NUMB: variants seen among roughly 807,000 people sequenced by gnomAD.
The protein encoded by NUMB is protein numb homolog.
Under a neutral mutation model 59.7 loss-of-function variants are expected in NUMB, and 29 were observed. The observed-to-expected ratio is 0.49, with a 90% CI of 0.36 to 0.66. The LOEUF (loss-of-function observed/expected upper bound fraction) is 0.66. Ranked by LOEUF, NUMB falls within the 30% of genes least tolerant of loss-of-function variation. The pLI, the probability that NUMB is intolerant of heterozygous loss-of-function variation, is 0.00. For synonymous variants in NUMB, 288 were observed against 288.2 expected (o/e 1.00, Z 0.01); for missense variants, 723 against 822.0 (o/e 0.88, Z 1.47).
At chr14:73,366,369 G>A (rs74064618) in intron 3 of NUMB, among the ~76,000 whole-genome samples, 8,888 of 152,158 alleles carry the variant, frequency 0.058, 722 homozygotes, top group African/African-American at 0.19. Context: ...CTGCCTAAAC[G>A]TTGCTTTATC....
At chr14:73,399,247 T>C (rs1289846314) in intron 2 of NUMB, among the ~76,000 whole-genome samples, 1 of 152,222 alleles carries the variant, frequency 6.6e-6, no homozygotes, top group Non-Finnish European at 1.5e-5. Flanking sequence ...TCCACATCCA[T>C]GGGTTCAACC....
At chr14:73,295,398 A>G (rs1208793239) in intron 7 of NUMB, among the ~76,000 whole-genome samples, 4 of 152,264 alleles carry the variant, frequency 2.6e-5, no homozygotes, top group Non-Finnish European at 5.9e-5. Flanking sequence ...CAAGGGGGCA[A>G]TATCACTTTC....
chr14:73,341,472 T>C (rs12879322), intron 4 of NUMB, among the ~76,000 whole-genome samples: 36,477 of 152,106 alleles, frequency 0.24, 4,431 homozygotes, highest in Non-Finnish European at 0.25. Context: ...TGTATTATTT[T>C]TTAAAAATTA....
At chr14:73,430,541 G>A (rs1351622694) in intron 1 of NUMB, among the ~76,000 whole-genome samples, 1 of 152,074 alleles carries the variant, frequency 6.6e-6, no homozygotes, top group African/African-American at 2.4e-5. Flanking sequence ...GGCTGAGGTG[G>A]AAGGATCACT....
At chr14:73,386,232 T>C (rs1353096749) in intron 2 of NUMB, among the ~76,000 whole-genome samples, 2 of 152,104 alleles carry the variant, frequency 1.3e-5, no homozygotes, top group Admixed American at 6.6e-5. Context: ...CTGGGCAACA[T>C]AGTGAGATGC....
intron 1 of NUMB, among the ~76,000 whole-genome samples, chr14:73,429,033 A>C (rs1460883419): frequency 6.6e-6 from 1 of 152,234 alleles, no homozygotes; most frequent in Non-Finnish European, 1.5e-5. Flanking sequence ...TCATGCCCTC[A>C]GTAGTCAAAC....
intron 3 of NUMB, chr14:73,356,996 C>A: frequency 1.1e-6 from 1 of 937,966 alleles, no homozygotes; most frequent in Non-Finnish European, 1.3e-6. Flanking sequence ...CCATACCTGG[C>A]CAGAAGAATT....
intron 2 of NUMB, among the ~76,000 whole-genome samples, chr14:73,371,332 C>G (rs1055832282): frequency 6.6e-6 from 1 of 151,884 alleles, no homozygotes; most frequent in African/African-American, 2.4e-5. Context: ...GTCAGGAGAT[C>G]GAGATCATCC....
chr14:73,286,190 ATTTTTTTTTTTTTTT>A (rs55711968), intron 9 of NUMB: 10 of 72,124 alleles, frequency 1.4e-4, no homozygotes, highest in African/African-American at 4.5e-4. Flanking sequence ...AAATATGGCA[ATTTTTTTTTTTTTTT>A]TTTTTTTTTT....
At chr14:73,450,810 T>C (rs940367002) in intron 1 of NUMB, among the ~76,000 whole-genome samples, 2 of 149,870 alleles carry the variant, frequency 1.3e-5, no homozygotes, top group African/African-American at 4.9e-5. Context: ...CAAAACAGAA[T>C]ACTGGGAGTT....
intron 2 of NUMB, among the ~76,000 whole-genome samples, chr14:73,403,524 A>T (rs1243217331): frequency 6.6e-6 from 1 of 152,226 alleles, no homozygotes; most frequent in South Asian, 2.1e-4. Context: ...TGAGCTGAGG[A>T]AAGAATGAGA....
At chr14:73,353,072 G>GTTTTTCTTT (rs71450219) in intron 4 of NUMB, among the ~76,000 whole-genome samples, 787 of 58,348 alleles carry the variant, frequency 0.013, 31 homozygotes, top group Non-Finnish European at 0.021. Flanking sequence ...AGTTTTTCTT[G>GTTTTTCTTT]TTTTTTTTTT....
intron 4 of NUMB, among the ~76,000 whole-genome samples, chr14:73,353,072 GTTTT>G (rs71112737): frequency 3.4e-4 from 20 of 58,512 alleles, no homozygotes; most frequent in Admixed American, 1.1e-3. Flanking sequence ...AGTTTTTCTT[GTTTT>G]TTTTTTTTTT....
Position 73,276,957 on chromosome 14 carries a change from A to C in NUMB, c.1577T>G (p.Val526Gly), listed in dbSNP as rs1888204300. ...GMPYPAPNVP[V>G]VGITPSQMVA... ...CATCTGGGAGGGAGTGATGCCCACC[A>C]CAGGCACATTAGGGGCTGGATAGGG... Residue 526 changes from valine (V) to glycine (G), a missense_variant, in exon 13 of 13, where the codon GTG (valine) becomes GGG (glycine). Physicochemically the swap from Val to Gly is moderately radical, Grantham distance 109. Transcript: ENST00000555238. 6.2e-7 allele frequency: 1 copy of C among 1,614,188 alleles called. No individual in the cohort carries two copies.
intron 6 of NUMB, among the ~76,000 whole-genome samples, chr14:73,314,237 G>C (rs1442243463): frequency 6.6e-6 from 1 of 152,120 alleles, no homozygotes; most frequent in Admixed American, 6.6e-5. Flanking sequence ...CAATGATTAA[G>C]AGTGTGGGCT....
intron 1 of NUMB, among the ~76,000 whole-genome samples, chr14:73,428,551 T>C (rs1897684607): frequency 6.6e-6 from 1 of 152,204 alleles, no homozygotes; most frequent in Non-Finnish European, 1.5e-5. Context: ...CCCAGCGCTT[T>C]AGAAGGCAGA....
At chr14:73,297,578 C>T (rs1889863864) in intron 6 of NUMB, 1 of 228,350 alleles carries the variant, frequency 4.4e-6, no homozygotes, top group African/African-American at 2.3e-5. Context: ...CCATAAAGGG[C>T]AAAGAATTCA....
At chr14:73,307,483 T>G (rs1265298592) in intron 6 of NUMB, among the ~76,000 whole-genome samples, 1 of 151,950 alleles carries the variant, frequency 6.6e-6, no homozygotes, top group African/African-American at 2.4e-5. Context: ...CGTTCCAGAC[T>G]AGAGGTTACA....
chr14:73,391,503 A>G (rs1290398422), intron 2 of NUMB, among the ~76,000 whole-genome samples: 1 of 152,172 alleles, frequency 6.6e-6, no homozygotes, highest in African/African-American at 2.4e-5. Flanking sequence ...TGTCAATAAT[A>G]AAATCACTAA....
Sources: allele counts gnomAD v4.1 joint callset (sites outside exome capture counted in the v4.1 genomes callset), GRCh38; gene constraint gnomAD v4.1.1; transcripts MANE v1.5; gene names NCBI Gene and HGNC (gene_info 2026-07-23, HGNC 2026-07-21).